PLK4: variants seen among roughly 807,000 people sequenced by gnomAD.
PLK4 encodes the protein polo like kinase 4, also known as serine/threonine-protein kinase PLK4.
PLK4 carries 51 observed loss-of-function variants against 103.0 expected under a neutral mutation model. The ratio of observed to expected loss-of-function variants is 0.50; its 90% confidence interval spans 0.40 to 0.63. The LOEUF (loss-of-function observed/expected upper bound fraction) is 0.63. Among genes scored for constraint, PLK4 ranks in the 20% least tolerant of loss-of-function variants. The pLI is 0.00. For missense variants in PLK4, 1,054 were observed against 1,151.0 expected (o/e 0.92, Z 1.22); for synonymous variants, 389 against 376.8 (o/e 1.03, Z -0.38).
chr4:127,883,305 T>G lies in PLK4; in HGVS notation c.170T>G (p.Val57Gly), dbSNP rs1205650528. Residue 57 changes from valine (V) to glycine (G), a missense_variant, in exon 3 of 16, where the codon GTC (valine) becomes GGC (glycine). By Grantham distance (109) the Val-to-Gly change is moderately radical (BLOSUM62 -3). Coordinates refer to ENST00000270861, the MANE Select transcript of PLK4 (RefSeq NM_014264.5). ...AMYKAGMVQR[V>G]QNEVKIHCQL... ...TACAAAGCAGGAATGGTACAGAGAG[T>G]CCAAAATGAGGTGAAAATACATTGC... 6.2e-7 allele frequency: 1 copy of G among 1,604,232 alleles called. No homozygotes were observed. The highest frequency in any genetic ancestry group is 8.5e-7 in the Non-Finnish European group (1 of 1,171,370).
At chr4:127,892,555 G>C in intron 10 of PLK4, 41 bp downstream of exon 10, 3 of 1,521,168 alleles carry the variant, frequency 2.0e-6, no homozygotes, top group African/African-American at 1.4e-5. Context: ...CCTTTAGTTT[G>C]TAATTTAGTA....
chr4:127,895,697 A>G (rs1159858134), intron 14 of PLK4, among the ~76,000 whole-genome samples: 1 of 151,976 alleles, frequency 6.6e-6, no homozygotes, highest in East Asian at 1.9e-4. Context: ...CTGAGATTAC[A>G]GGCGTGAGCC....
intron 15 of PLK4, among the ~76,000 whole-genome samples, chr4:127,898,148 A>G (rs1037090532): frequency 2.6e-5 from 4 of 152,190 alleles, no homozygotes; most frequent in African/African-American, 7.2e-5. Flanking sequence ...GGCCTTTTAA[A>G]TTTAATGAGG....
Position 127,889,922 on chromosome 4 carries a change from G to A in PLK4, c.1516G>A (p.Gly506Ser), listed in dbSNP as rs1735284028. The A allele has an allele frequency of 6.2e-7, 1 of 1,613,536 alleles. No individual in the cohort carries two copies. Among genetic ancestry groups the A allele is most frequent in the South Asian group, 1.1e-5 (1 of 91,050 alleles). Residue 506 changes from glycine to serine, a missense_variant, in exon 7 of 16, where the codon GGC becomes AGC. Physicochemically the swap from Gly to Ser is moderately conservative, Grantham distance 56. Transcript: ENST00000270861. ...CATCAGCCCAAACCGGGACTTCCAG[G>A]GCCATCCAGATTTGCAGAAGGACAC... ...DSISPNRDFQ[G>S]HPDLQKDTSK...
At chr4:127,894,685 T>G (rs1560701117) in intron 13 of PLK4, among the ~76,000 whole-genome samples, 1 of 152,158 alleles carries the variant, frequency 6.6e-6, no homozygotes, top group Non-Finnish European at 1.5e-5. Context: ...TATATTTGTG[T>G]GTACTCACCC....
chr4:127,894,948 T>G lies in PLK4; in HGVS notation c.2563-5T>G. ...TAATATCTTCCTGTCCTTTATTCTT[T>G]GTAGATGGTTACAAATGAAGGACTT... On this transcript the variant is annotated splice_region_variant and splice_polypyrimidine_tract_variant and intron_variant, in intron 13 of 15. Coordinates refer to ENST00000270861, the MANE Select transcript of PLK4 (RefSeq NM_014264.5). The G allele has an allele frequency of 6.4e-7, 1 of 1,569,704 alleles. No individual in the cohort carries two copies. The highest frequency in any genetic ancestry group is 1.2e-5 in the South Asian group (1 of 84,940).
intron 1 of PLK4, chr4:127,881,488 C>A: frequency 1.0e-6 from 1 of 972,346 alleles, no homozygotes; most frequent in Non-Finnish European, 1.4e-6. Context: ...AAGGGGATGG[C>A]GGTTATCTCC....
chr4:127,896,741 A>C, intron 14 of PLK4, 60 bp from the exon 15 acceptor site: 1 of 885,984 alleles, frequency 1.1e-6, no homozygotes, highest in Non-Finnish European at 1.9e-6. Context: ...TTTGTGTGCT[A>C]CTACTGCTGT....
At chr4:127,887,185 A>C in intron 5 of PLK4, 1 of 465,412 alleles carries the variant, frequency 2.1e-6, no homozygotes, top group Non-Finnish European at 3.9e-6. Flanking sequence ...GGCAGTAGCC[A>C]TACAGAAATG....
intron 14 of PLK4, 145 bp from the exon 15 acceptor site, chr4:127,896,656 T>A (rs2148825233): frequency 2.2e-6 from 1 of 456,206 alleles, no homozygotes; most frequent in Admixed American, 3.9e-5. Context: ...AGAGAGTTTT[T>A]TTTTTAACTG....
chr4:127,895,008 C>A lies in PLK4; in HGVS notation c.2618C>A (p.Ser873Tyr). 1 of 1,606,344 alleles carries A rather than the reference C, an allele frequency of 6.2e-7. No individual in the cohort carries two copies. The highest frequency in any genetic ancestry group is 8.5e-7 in the Non-Finnish European group (1 of 1,173,780). The stretch of plus-strand genomic sequence containing the variant: ...ACTACAGCTTCTGGAACAGACATCT[C>A]TTCTAATAGTCTAAAAGATTGTCTT... Reference protein sequence around the residue: ...LTTTASGTDISSNSLKDCLPK... With the variant: ...LTTTASGTDIYSNSLKDCLPK... The change falls in exon 14 of 16, where the codon TCT becomes TAT. Residue 873 changes from serine (S) to tyrosine (Y), a missense_variant. By Grantham distance (144) the Ser-to-Tyr change is moderately radical. Transcript: ENST00000270861.
Position 127,886,377 on chromosome 4 carries a change from C to T in PLK4, c.1007C>T (p.Ser336Phe), listed in dbSNP as rs775484625. The T allele has an allele frequency of 1.9e-6, 3 of 1,613,790 alleles. No homozygotes were observed. Among genetic ancestry groups the T allele is most frequent in the East Asian group, 4.5e-5 (2 of 44,868 alleles). Residue 336 changes from serine to phenylalanine, a missense_variant, in exon 5 of 16, where the codon TCT (serine) becomes TTT (phenylalanine). Physicochemically the swap from Ser to Phe is radical, Grantham distance 155 (BLOSUM62 -2). This residue lies in a region of PLK4 where 680 missense variants were observed against 660.3 expected (regional missense o/e 1.03). Coordinates refer to ENST00000270861, the MANE Select transcript of PLK4 (RefSeq NM_014264.5). ...PKNKSSTDFS[S>F]SGDGNSFYTQ... Reference sequence around the variant, plus strand: ...AATAAAAGTTCAACTGATTTTTCTTCTTCAGGAGATGGAAACAGTTTTTAT... The same window carrying T: ...AATAAAAGTTCAACTGATTTTTCTTTTTCAGGAGATGGAAACAGTTTTTAT...
intron 10 of PLK4, 193 bp from the exon 11 acceptor site, chr4:127,893,092 T>G: frequency 2.3e-6 from 1 of 434,262 alleles, no homozygotes; most frequent in Non-Finnish European, 4.0e-6. Flanking sequence ...TTAAACCAGA[T>G]ATATGTTGGG....
At chr4:127,885,674 A>G (rs1464101665) in intron 4 of PLK4, 34 bp from the exon 5 acceptor site, 8 of 1,524,512 alleles carry the variant, frequency 5.2e-6, no homozygotes, top group African/African-American at 1.4e-5. Context: ...CAGAGTTTCT[A>G]AATTGTAAAT....
intron 14 of PLK4, among the ~76,000 whole-genome samples, chr4:127,895,571 A>C (rs1735536400): frequency 1.5e-5 from 2 of 136,234 alleles, no homozygotes; most frequent in Admixed American, 8.4e-5. Context: ...ACAGGCGCCC[A>C]CTGCCAAGCC....
Position 127,898,563 on chromosome 4 carries a change from T to C in PLK4, c.*22T>C, listed in dbSNP as rs889606197. 4.7e-6 allele frequency: 5 copies of C among 1,064,394 alleles called. No individual in the cohort carries two copies. The highest frequency in any genetic ancestry group is 1.4e-5 in the South Asian group (1 of 72,452). 65.9% of individuals were successfully genotyped at this position (1,064,394 alleles called of 1,614,324 possible). ...TTGATTAAAACTCCTTTCAGACATA[T>C]AAGTTTAATAAATAACTTTTTTGTT... On this transcript the variant is annotated 3_prime_UTR_variant, in exon 16 of 16. Transcript: ENST00000270861.
chr4:127,893,482 C>A, intron 11 of PLK4, 31 bp from the exon 12 acceptor site: 1 of 1,600,890 alleles, frequency 6.2e-7, no homozygotes, highest in Admixed American at 1.7e-5. Flanking sequence ...ATAGGTGAAA[C>A]AATGACAGAA....
Position 127,881,004 on chromosome 4 carries a change from C to T in PLK4, c.-131C>T. 9.9e-7 allele frequency: 1 copy of T among 1,008,606 alleles called. No homozygotes were observed. Among genetic ancestry groups the T allele is most frequent in the Non-Finnish European group, 1.5e-6 (1 of 660,718 alleles). 62.5% of individuals were successfully genotyped at this position (1,008,606 alleles called of 1,614,324 possible). A position where few individuals can be genotyped will look rare whatever the true frequency, so the allele number is the denominator to read the frequency against. On this transcript the variant is annotated 5_prime_UTR_variant, in exon 1 of 16. Coordinates refer to ENST00000270861, the MANE Select transcript of PLK4 (RefSeq NM_014264.5). ...GGAGAACTTTCCGTGGTTTCAGCGT[C>T]GTCGCCTGGAGCGGCGGTTTAGAGA...
rs772336651 is a variant in PLK4, at chr4:127,895,111, C to T, written c.2703+18C>T. ...CTACACAGGTGAGAAGTTTCTAGTA[C>T]AGTGCATTTTCTCAGTATGAATTTC... On this transcript the variant is annotated intron_variant, in intron 14 of 15. Coordinates refer to ENST00000270861, the MANE Select transcript of PLK4 (RefSeq NM_014264.5). The T allele has an allele frequency of 1.2e-5, 18 of 1,536,656 alleles. No individual in the cohort carries two copies. Among genetic ancestry groups the T allele is most frequent in the African/African-American group, 5.6e-5 (4 of 71,716 alleles).
Sources: allele counts gnomAD v4.1 joint callset (sites outside exome capture counted in the v4.1 genomes callset), GRCh38; gene constraint gnomAD v4.1.1; regional missense constraint gnomAD v4.1.1; transcripts MANE v1.5; gene names NCBI Gene and HGNC (gene_info 2026-07-23, HGNC 2026-07-21).